Variants in ZNF292 observed in about 807,000 individuals in gnomAD.
ZNF292 encodes the protein 16 zinc-finger domain protein.
In ZNF292, 26 loss-of-function variants were observed where a neutral mutation model predicts 217.9. That is an observed-to-expected ratio of 0.12 (90% CI 0.09 to 0.17). ZNF292 has a LOEUF of 0.17. Ranked by LOEUF, ZNF292 falls within the 10% of genes least tolerant of loss-of-function variation. ZNF292 has a pLI of 1.00. For missense variants in ZNF292, 2,904 were observed against 3,175.2 expected (o/e 0.91, Z 2.05); for synonymous variants, 1,257 against 1,124.1 (o/e 1.12, Z -2.37).
chr6:87,234,812 A>G (rs1427887497), intron 5 of ZNF292, among the ~76,000 whole-genome samples: 2 of 152,188 alleles, frequency 1.3e-5, no homozygotes, highest in African/African-American at 4.8e-5. Flanking sequence ...TCAAAGCAGA[A>G]TAGCCTCATA....
chr6:87,260,972 T>C lies in ZNF292; in HGVS notation c.7343T>C (p.Val2448Ala). The change falls in exon 8 of 8, where the codon GTG becomes GCG. Residue 2448 changes from valine (V) to alanine (A), a missense_variant. Physicochemically the swap from Val to Ala is moderately conservative, Grantham distance 64. This residue lies in a region of ZNF292 where 380 missense variants were observed against 355.3 expected (regional missense o/e 1.07). Transcript: ENST00000369577. The part of the protein sequence containing the change: ...TSEQEGAKND[V>A]KDSDTCVSES... ...GAGCAAGAAGGTGCTAAGAATGATGTGAAAGATTCTGACACGTGTGTATCA... is the reference window on the plus strand; with the variant it reads ...GAGCAAGAAGGTGCTAAGAATGATGCGAAAGATTCTGACACGTGTGTATCA... 1 of 1,608,954 alleles carries C rather than the reference T, an allele frequency of 6.2e-7. No homozygotes were observed. Among genetic ancestry groups the C allele is most frequent in the Non-Finnish European group, 8.5e-7 (1 of 1,177,350 alleles).
intron 5 of ZNF292, among the ~76,000 whole-genome samples, chr6:87,235,824 T>C (rs893242464): frequency 6.6e-6 from 1 of 152,182 alleles, no homozygotes; most frequent in East Asian, 1.9e-4. Context: ...CACTAAGGTT[T>C]ATATACTCCA....
Position 87,259,203 on chromosome 6 carries a change from C to G in ZNF292, c.5574C>G (p.Ser1858=). ...KLENDLSTPA[S]QCVLINTSVT... ...AAAATGACCTATCCACTCCAGCATCCCAATGTGTACTGATAAATACATCAG... is the reference window on the plus strand; with the variant it reads ...AAAATGACCTATCCACTCCAGCATCGCAATGTGTACTGATAAATACATCAG... Residue 1858 remains serine, a synonymous_variant, in exon 8 of 8, where the codon TCC becomes TCG. Coordinates refer to ENST00000369577, the MANE Select transcript of ZNF292 (RefSeq NM_015021.3). 6.2e-7 allele frequency: 1 copy of G among 1,613,674 alleles called. No individual in the cohort carries two copies. The highest frequency in any genetic ancestry group is 8.5e-7 in the Non-Finnish European group (1 of 1,179,704).
intron 1 of ZNF292, among the ~76,000 whole-genome samples, chr6:87,191,910 C>G (rs953903785): frequency 6.6e-6 from 1 of 152,162 alleles, no homozygotes; most frequent in African/African-American, 2.4e-5. Context: ...GATCCACCCC[C>G]CTTGGCCTCC....
chr6:87,235,966 C>G (rs1169153383), intron 5 of ZNF292, among the ~76,000 whole-genome samples: 1 of 152,168 alleles, frequency 6.6e-6, no homozygotes, highest in Non-Finnish European at 1.5e-5. Flanking sequence ...AACAACATTA[C>G]TTTGTTAAAA....
In ZNF292 at chr6:87,257,736, T is replaced by A; in HGVS notation, c.4107T>A (p.Ile1369=). 6.2e-7 allele frequency: 1 copy of A among 1,613,668 alleles called. No individual in the cohort carries two copies. Among genetic ancestry groups the A allele is most frequent in the Non-Finnish European group, 8.5e-7 (1 of 1,179,760 alleles). ...ACAAAAGGGCTAAATGGCCTGCAATTATCAGAGATGGGAAATTTATCTGTA... is the reference window on the plus strand; with the variant it reads ...ACAAAAGGGCTAAATGGCCTGCAATAATCAGAGATGGGAAATTTATCTGTA... ...KHNKRAKWPA[I]IRDGKFICSR... Residue 1369 remains isoleucine, a synonymous_variant, in exon 8 of 8, where the codon ATT becomes ATA. Coordinates refer to ENST00000369577, the MANE Select transcript of ZNF292 (RefSeq NM_015021.3).
intron 4 of ZNF292, among the ~76,000 whole-genome samples, chr6:87,226,711 C>G (rs1468443978): frequency 1.3e-5 from 2 of 149,158 alleles, no homozygotes; most frequent in African/African-American, 4.9e-5. Flanking sequence ...ACGGAGTCTC[C>G]CTCTGTCGCC....
chr6:87,209,215 T>C (rs1772379784), intron 1 of ZNF292, among the ~76,000 whole-genome samples: 1 of 152,116 alleles, frequency 6.6e-6, no homozygotes, highest in Non-Finnish European at 1.5e-5. Flanking sequence ...TTGTTGTTTT[T>C]ACCTAAAGCC....
chr6:87,216,312 C>G lies in ZNF292; in HGVS notation c.337C>G (p.Leu113Val). ...TTTGTTTTTTAGAAGCTGTGTTGAA[C>G]TTTTACTGTGTCTGCCTGTTGAGTT... ...LERLALSCVE[L>V]LLCLPVELSD... The change falls in exon 3 of 8, where the codon CTT becomes GTT. Residue 113 changes from leucine to valine, a missense_variant. Coordinates refer to ENST00000369577, the MANE Select transcript of ZNF292 (RefSeq NM_015021.3). 1 of 1,580,616 alleles carries G rather than the reference C, an allele frequency of 6.3e-7. No individual in the cohort carries two copies. The highest frequency in any genetic ancestry group is 8.6e-7 in the Non-Finnish European group (1 of 1,161,096).
intron 1 of ZNF292, among the ~76,000 whole-genome samples, chr6:87,162,218 GC>G (rs1394867588): frequency 1.3e-5 from 2 of 152,166 alleles, no homozygotes; most frequent in Non-Finnish European, 2.9e-5. Context: ...CATTATTGGT[GC>G]CTGATTGGTA....
intron 1 of ZNF292, among the ~76,000 whole-genome samples, chr6:87,203,045 C>T (rs1772139584): frequency 6.6e-6 from 1 of 151,648 alleles, no homozygotes; most frequent in Non-Finnish European, 1.5e-5. Flanking sequence ...TAGGGGACTA[C>T]TGCATATCTT....
chr6:87,218,741 C>G lies in ZNF292; in HGVS notation c.538+10C>G, dbSNP rs772751574. The G allele has an allele frequency of 7.7e-6, 12 of 1,557,806 alleles. No homozygotes were observed. Among genetic ancestry groups the G allele is most frequent in the Admixed American group, 2.1e-5 (1 of 47,376 alleles). The stretch of plus-strand genomic sequence containing the variant: ...TTGGATAAGGATAAAGGTAAATTTT[C>G]GAGAGACAGAGAAAAAAAAGAATAA... On this transcript the variant is annotated intron_variant, in intron 4 of 7. Coordinates refer to ENST00000369577, the MANE Select transcript of ZNF292 (RefSeq NM_015021.3).
chr6:87,242,214 G>C (rs3846774), intron 5 of ZNF292, among the ~76,000 whole-genome samples: 81,919 of 151,942 alleles, frequency 0.54, 22,547 homozygotes, highest in African/African-American at 0.63. Flanking sequence ...AAGAGGCAGA[G>C]AGAGGAGTAG....
intron 1 of ZNF292, among the ~76,000 whole-genome samples, chr6:87,179,297 A>T (rs1331019479): frequency 1.3e-5 from 2 of 151,320 alleles, no homozygotes; most frequent in South Asian, 2.1e-4. Context: ...AGTAGCTGGG[A>T]TTACAGGTGT....
At position 87,228,585 on chromosome 6, in the gene ZNF292, C is replaced by T. The variant is rs573933017; in HGVS notation, c.539-4740C>T. Among the ~76,000 whole-genome samples, 6 of 152,148 alleles carry T rather than the reference C, an allele frequency of 3.9e-5. No homozygotes were observed. In the South Asian group the frequency reaches 6.2e-4, roughly 16 times the overall value. Reference sequence around the variant, plus strand: ...GGATTTTTCATCTAAGTCTTTAATCCGTTTTGAGTTAATGTTTGTATATGG... The same window carrying T: ...GGATTTTTCATCTAAGTCTTTAATCTGTTTTGAGTTAATGTTTGTATATGG... On this transcript the variant is annotated intron_variant, in intron 4 of 7. Transcript: ENST00000369577.
At chr6:87,166,922 T>C (rs1770935636) in intron 1 of ZNF292, among the ~76,000 whole-genome samples, 1 of 152,232 alleles carries the variant, frequency 6.6e-6, no homozygotes, top group African/African-American at 2.4e-5. Flanking sequence ...TCCTCAGATA[T>C]TAACACTTTT....
Position 87,258,268 on chromosome 6 carries a change from C to T in ZNF292, c.4639C>T (p.Leu1547=), listed in dbSNP as rs1478466573. The T allele has an allele frequency of 6.2e-7, 1 of 1,613,144 alleles. No individual in the cohort carries two copies. Among genetic ancestry groups the T allele is most frequent in the Non-Finnish European group, 8.5e-7 (1 of 1,179,664 alleles). Residue 1547 remains leucine (L), a synonymous_variant, in exon 8 of 8, where the codon CTG becomes TTG. Coordinates refer to ENST00000369577, the MANE Select transcript of ZNF292 (RefSeq NM_015021.3). The part of the protein sequence containing the change: ...LHTVCHPNTL[L]TNQNRTSNSK... ...CACTGTATGCCATCCAAACACCTTG[C>T]TGACCAACCAGAATAGGACGTCAAA...
chr6:87,194,832 C>T (rs987096703), intron 1 of ZNF292, among the ~76,000 whole-genome samples: 12 of 151,526 alleles, frequency 7.9e-5, no homozygotes, highest in Non-Finnish European at 1.3e-4. Flanking sequence ...GCAATATATG[C>T]GAAAAATCCT....
intron 1 of ZNF292, among the ~76,000 whole-genome samples, chr6:87,191,030 A>G (rs933329833): frequency 1.3e-5 from 2 of 152,182 alleles, no homozygotes; most frequent in African/African-American, 4.8e-5. Flanking sequence ...ATATGTTTAT[A>G]TTTAAATAGT....
Sources: allele counts gnomAD v4.1 joint callset (sites outside exome capture counted in the v4.1 genomes callset), GRCh38; gene constraint gnomAD v4.1.1; regional missense constraint gnomAD v4.1.1; transcripts MANE v1.5; gene names NCBI Gene and HGNC (gene_info 2026-07-23, HGNC 2026-07-21).